KLHL29: variants seen among roughly 807,000 people sequenced by gnomAD.
KLHL29 encodes kelch-like protein 29.
In KLHL29, 21 loss-of-function variants were observed where a neutral mutation model predicts 80.4. The observed-to-expected ratio is 0.26, with a 90% CI of 0.19 to 0.38. The LOEUF is 0.38. KLHL29 is among the 10% of genes least tolerant of loss of function. The pLI, the probability that KLHL29 is intolerant of heterozygous loss-of-function variation, is 1.00. For missense variants in KLHL29, 867 were observed against 1,223.9 expected, an observed-to-expected ratio of 0.71 and a Z score of 4.35; for synonymous variants, 511 against 526.8, an observed-to-expected ratio of 0.97 and a Z score of 0.41.
At chr2:23,554,980 C>T (rs1261754280) in intron 2 of KLHL29, among the ~76,000 whole-genome samples, 1 of 152,168 alleles carries the variant, frequency 6.6e-6, no homozygotes, top group Non-Finnish European at 1.5e-5. Context: ...CCTCAGGCCC[C>T]AGGTAGCCCA....
intron 2 of KLHL29, among the ~76,000 whole-genome samples, chr2:23,522,058 G>C (rs951605462): frequency 6.6e-6 from 1 of 152,166 alleles, no homozygotes; most frequent in Non-Finnish European, 1.5e-5. Context: ...CTGCTTGTTA[G>C]AATTGTTTGC....
intron 3 of KLHL29, among the ~76,000 whole-genome samples, chr2:23,604,284 A>G (rs1397052940): frequency 6.9e-6 from 1 of 144,640 alleles, no homozygotes; most frequent in Non-Finnish European, 1.5e-5. Context: ...TTTAGTTGAG[A>G]CGGGGTTTCA....
At chr2:23,572,968 G>A (rs534590197) in intron 3 of KLHL29, among the ~76,000 whole-genome samples, 7 of 152,326 alleles carry the variant, frequency 4.6e-5, no homozygotes, top group East Asian at 1.9e-4. Flanking sequence ...GATTACAGGC[G>A]TGAGCCACCG....
intron 5 of KLHL29, among the ~76,000 whole-genome samples, chr2:23,683,012 T>C (rs896848759): frequency 4.6e-5 from 7 of 152,190 alleles, no homozygotes; most frequent in Non-Finnish European, 4.4e-5. Flanking sequence ...CAGTGTGTCC[T>C]CACCAAAAAG....
At chr2:23,517,278 C>T (rs1665964470) in intron 2 of KLHL29, among the ~76,000 whole-genome samples, 1 of 152,258 alleles carries the variant, frequency 6.6e-6, no homozygotes, top group Non-Finnish European at 1.5e-5. Flanking sequence ...GGCGCGGTGG[C>T]TCACGCCTGT....
intron 3 of KLHL29, among the ~76,000 whole-genome samples, chr2:23,594,500 G>C (rs917904594): frequency 2.0e-5 from 3 of 152,108 alleles, no homozygotes; most frequent in African/African-American, 7.2e-5. Context: ...CCGTGTTTCT[G>C]TAAACACATT....
intron 6 of KLHL29, chr2:23,689,180 T>A (rs113831544): frequency 0.048 from 7,353 of 152,384 alleles, 209 homozygotes; most frequent in South Asian, 0.09. Flanking sequence ...CTCTGCGGCC[T>A]TTCCCTGCAG....
intron 1 of KLHL29, among the ~76,000 whole-genome samples, chr2:23,436,142 C>T (rs1663334495): frequency 6.6e-6 from 1 of 152,100 alleles, no homozygotes; most frequent in Non-Finnish European, 1.5e-5. Flanking sequence ...AGCTTTATTG[C>T]AGATGACTGA....
chr2:23,451,684 G>A lies in KLHL29; in HGVS notation c.-153-23876G>A, dbSNP rs79750897. On this transcript the variant is annotated intron_variant, in intron 1 of 13. Coordinates refer to ENST00000486442, the MANE Select transcript of KLHL29 (RefSeq NM_052920.2). ...GGTGGGAGACGGAGGGATTTTGGAC[G>A]GGCACATTAGTCCATTTTACTCCTC... 1.2e-3 allele frequency among the ~76,000 whole-genome samples: 182 copies of A among 152,308 alleles called. 1 individual carries two copies. Among genetic ancestry groups the A allele is most frequent in the African/African-American group, 4.0e-3 (165 of 41,560 alleles).
At chr2:23,662,600 G>A (rs927155852) in intron 5 of KLHL29, among the ~76,000 whole-genome samples, 2 of 152,182 alleles carry the variant, frequency 1.3e-5, no homozygotes, top group Admixed American at 1.3e-4. Context: ...AAAGGCAAGA[G>A]GCCCCCTTAC....
Position 23,695,563 on chromosome 2 carries a change from C to T in KLHL29, c.1543-60C>T, listed in dbSNP as rs987799125. 2.7e-5 allele frequency: 32 copies of T among 1,206,586 alleles called. No homozygotes were observed. The highest frequency in any genetic ancestry group is 3.5e-5 in the Non-Finnish European group (30 of 868,328). The allele number at this position is 1,206,586 out of a possible 1,614,324, so 74.7% of individuals were successfully genotyped here. ...TGTGCAGCCCCACACCATTTCTTTCCGTCCGGGAGGTGGCTCTCTCTTGCT... is the reference window on the plus strand; with the variant it reads ...TGTGCAGCCCCACACCATTTCTTTCTGTCCGGGAGGTGGCTCTCTCTTGCT... On this transcript the variant is annotated intron_variant, in intron 8 of 13. Coordinates refer to ENST00000486442, the MANE Select transcript of KLHL29 (RefSeq NM_052920.2). The surrounding 1 kb of genome is among the most constrained non-coding windows in gnomAD (Gnocchi z 7.6).
intron 2 of KLHL29, among the ~76,000 whole-genome samples, chr2:23,487,226 G>T (rs1664958083): frequency 6.6e-6 from 1 of 152,092 alleles, no homozygotes; most frequent in Non-Finnish European, 1.5e-5. Context: ...TGGGTCCCAG[G>T]AGGTACTTCC....
intron 1 of KLHL29, among the ~76,000 whole-genome samples, chr2:23,395,756 G>GA (rs200288530): frequency 0.048 from 6,218 of 129,940 alleles, 396 homozygotes; most frequent in African/African-American, 0.15. Context: ...AAAAAGGAAA[G>GA]AAAAAAAAAA....
chr2:23,431,493 C>T (rs879719009), intron 1 of KLHL29, among the ~76,000 whole-genome samples: 1 of 152,256 alleles, frequency 6.6e-6, no homozygotes, highest in South Asian at 2.1e-4. Context: ...ACAGGCTCCT[C>T]GCCAGCCCTG....
rs1355620829 is a variant in KLHL29 at position 23,449,139 on chromosome 2, C to T, written c.-153-26421C>T. Among the ~76,000 whole-genome samples the T allele has an allele frequency of 3.9e-5, 6 of 152,220 alleles. No homozygotes were observed. In the East Asian group the frequency reaches 9.7e-4, roughly 25 times the overall value. On this transcript the variant is annotated intron_variant, in intron 1 of 13. Coordinates refer to ENST00000486442, the MANE Select transcript of KLHL29 (RefSeq NM_052920.2). ...TACTGCCTCACAGGAATCCCGTGAG[C>T]TCATGCTTGGGGCTGGCTGGACTCC... is the stretch of plus-strand genomic sequence containing the variant.
intron 5 of KLHL29, among the ~76,000 whole-genome samples, chr2:23,653,224 A>G (rs1670134842): frequency 6.6e-6 from 1 of 152,238 alleles, no homozygotes; most frequent in African/African-American, 2.4e-5. Context: ...ACTGAGGCTC[A>G]GAGGTATCAC....
chr2:23,496,121 G>A (rs561542707), intron 2 of KLHL29, among the ~76,000 whole-genome samples: 1 of 152,316 alleles, frequency 6.6e-6, no homozygotes, highest in Non-Finnish European at 1.5e-5. Flanking sequence ...CAGGGGGCAC[G>A]AGAGGGGCTC....
At chr2:23,491,634 A>C (rs1432995933) in intron 2 of KLHL29, among the ~76,000 whole-genome samples, 1 of 152,024 alleles carries the variant, frequency 6.6e-6, no homozygotes, top group Non-Finnish European at 1.5e-5. Context: ...TGGGAATCCC[A>C]TATCACTGTC....
At chr2:23,414,352 G>A (rs1032624179) in intron 1 of KLHL29, among the ~76,000 whole-genome samples, 9 of 152,090 alleles carry the variant, frequency 5.9e-5, no homozygotes, top group African/African-American at 2.2e-4. Flanking sequence ...GGATGTGTTT[G>A]TGCGGCGGGG....
Sources: allele counts gnomAD v4.1 joint callset (sites outside exome capture counted in the v4.1 genomes callset), GRCh38; gene constraint gnomAD v4.1.1; non-coding constraint Gnocchi (gnomAD v3.1); transcripts MANE v1.5; gene names NCBI Gene and HGNC (gene_info 2026-07-23, HGNC 2026-07-21).